Variants in MACROD2 observed in about 807,000 individuals in gnomAD.
The protein encoded by MACROD2 is mono-ADP ribosylhydrolase 2, also known as ADP-ribose glycohydrolase MACROD2.
MACROD2 carries 36 observed loss-of-function variants against 70.4 expected under a neutral mutation model. The observed-to-expected ratio is 0.51, with a 90% confidence interval of 0.39 to 0.68. MACROD2 has a LOEUF of 0.68. Ranked by LOEUF, MACROD2 falls within the 30% of genes least tolerant of loss-of-function variation. MACROD2 has a pLI of 0.00. For missense variants in MACROD2, 496 were observed against 538.4 expected (o/e 0.92, Z 0.78); for synonymous variants, 172 against 178.8 (o/e 0.96, Z 0.30).
At chr20:14,618,655 C>T (rs1568701884) in intron 4 of MACROD2, among the ~76,000 whole-genome samples, 2 of 152,172 alleles carry the variant, frequency 1.3e-5, no homozygotes, top group East Asian at 1.9e-4. Context: ...GGGGTTTCAG[C>T]GTGGGGTGCT....
At chr20:14,379,198 G>T (rs1444970744) in intron 3 of MACROD2, among the ~76,000 whole-genome samples, 3 of 152,074 alleles carry the variant, frequency 2.0e-5, no homozygotes, top group African/African-American at 7.2e-5. Context: ...AACTTACCAG[G>T]GTCGTATAAT....
At chr20:15,981,517 C>T (rs948865128) in intron 13 of MACROD2, among the ~76,000 whole-genome samples, 8 of 152,060 alleles carry the variant, frequency 5.3e-5, no homozygotes, top group Non-Finnish European at 1.2e-4. Context: ...AATTCTCGGG[C>T]TTCTTATGGC....
At chr20:15,311,119 A>T (rs1050957582) in intron 6 of MACROD2, among the ~76,000 whole-genome samples, 39 of 152,202 alleles carry the variant, frequency 2.6e-4, no homozygotes, top group Non-Finnish European at 5.0e-4. Context: ...CCAGGTGGTA[A>T]ATAAAATCTA....
intron 2 of MACROD2, among the ~76,000 whole-genome samples, chr20:14,061,221 T>C (rs1178180417): frequency 6.6e-6 from 1 of 152,178 alleles, no homozygotes; most frequent in African/African-American, 2.4e-5. Context: ...AATAGACTAT[T>C]CCACTGAAAT....
intron 8 of MACROD2, among the ~76,000 whole-genome samples, chr20:15,837,880 TCTTAGCCCATCATCAACTG>T (rs1394783221): frequency 6.6e-6 from 1 of 152,132 alleles, no homozygotes; most frequent in Non-Finnish European, 1.5e-5. Flanking sequence ...TTTGTGATAC[TCTTAGCCCATCATCAACTG>T]CTTAGCCCAT....
At chr20:15,093,993 C>A (rs1485373575) in intron 5 of MACROD2, among the ~76,000 whole-genome samples, 1 of 152,158 alleles carries the variant, frequency 6.6e-6, no homozygotes, top group Non-Finnish European at 1.5e-5. Context: ...TAGGATTGTC[C>A]ATTGAAGGGT....
At chr20:15,677,695 C>G (rs1288102158) in intron 8 of MACROD2, among the ~76,000 whole-genome samples, 1 of 22,312 alleles carries the variant, frequency 4.5e-5, no homozygotes, top group Middle Eastern at 0.013. Context: ...AACCAACCAA[C>G]CAACCAACCA....
chr20:15,860,138 A>T (rs2064405516), intron 8 of MACROD2, among the ~76,000 whole-genome samples: 1 of 152,152 alleles, frequency 6.6e-6, no homozygotes, highest in Admixed American at 6.6e-5. Context: ...CCATCTCAAA[A>T]AAACAAACAC....
intron 3 of MACROD2, among the ~76,000 whole-genome samples, chr20:14,381,281 G>T (rs1183651464): frequency 6.6e-6 from 1 of 152,072 alleles, no homozygotes; most frequent in Non-Finnish European, 1.5e-5. Context: ...ATTATATATT[G>T]CATGTAAACT....
chr20:14,277,319 G>A (rs1301509373), intron 3 of MACROD2, among the ~76,000 whole-genome samples: 11 of 152,078 alleles, frequency 7.2e-5, no homozygotes, highest in Admixed American at 6.6e-5. Flanking sequence ...ATGGTGGCAC[G>A]CACCTGTAGT....
intron 13 of MACROD2, among the ~76,000 whole-genome samples, chr20:15,972,930 T>C (rs1326965301): frequency 6.6e-6 from 1 of 152,230 alleles, no homozygotes. Flanking sequence ...TATGAAAGCA[T>C]ATATTATTTA....
chr20:15,199,335 C>T (rs1195849657), intron 5 of MACROD2, among the ~76,000 whole-genome samples: 3 of 151,934 alleles, frequency 2.0e-5, no homozygotes, highest in Admixed American at 6.6e-5. Flanking sequence ...CCAGCCTAGG[C>T]AACAGAAAAA....
intron 8 of MACROD2, among the ~76,000 whole-genome samples, chr20:15,754,002 C>T (rs951833416): frequency 4.0e-5 from 6 of 151,758 alleles, no homozygotes; most frequent in Non-Finnish European, 7.4e-5. Flanking sequence ...CACATCTCTC[C>T]GAAAATCTGA....
At chr20:16,016,965 T>C (rs1452247815) in intron 15 of MACROD2, among the ~76,000 whole-genome samples, 1 of 152,206 alleles carries the variant, frequency 6.6e-6, no homozygotes, top group Non-Finnish European at 1.5e-5. Context: ...TCCCATCTCC[T>C]CCACCCTCAA....
At position 15,649,085 on chromosome 20, in the gene MACROD2, CCCCTT is replaced by C. The variant is rs1471643983; in HGVS notation, c.645+149243_645+149247del. On this transcript the variant is annotated intron_variant, in intron 8 of 17. Transcript: ENST00000684519. Reference sequence around the variant, plus strand: ...CTTTTCTCCTCCCCTCCCCTTCCCTCCCCTTCCCTCCCCTCCCCTCCCCTTCCCTC... The same window carrying C: ...CTTTTCTCCTCCCCTCCCCTTCCCTCCCCTCCCCTCCCCTCCCCTTCCCTC... Among the ~76,000 whole-genome samples, 60 of 66,758 alleles carry C rather than the reference CCCCTT, an allele frequency of 9.0e-4. 1 individual carries two copies. The highest frequency in any genetic ancestry group is 2.8e-3 in the African/African-American group (52 of 18,344). The allele number at this position is 66,758 out of a possible 152,430, so 43.8% of individuals were successfully genotyped here. A position where few individuals can be genotyped will look rare whatever the true frequency, so the allele number is the denominator to read the frequency against.
At chr20:15,903,293 G>A (rs1466492215) in intron 10 of MACROD2, among the ~76,000 whole-genome samples, 1 of 152,212 alleles carries the variant, frequency 6.6e-6, no homozygotes, top group East Asian at 1.9e-4. Context: ...AGTGAGCCGA[G>A]ATCGTGGCAG....
intron 5 of MACROD2, among the ~76,000 whole-genome samples, chr20:15,223,247 T>C (rs6079710): frequency 0.12 from 17,845 of 152,244 alleles, 1,417 homozygotes; most frequent in African/African-American, 0.22. Flanking sequence ...GCTGATTAAA[T>C]GTACAAATCG....
At chr20:14,835,125 C>CT (rs771660711) in intron 5 of MACROD2, among the ~76,000 whole-genome samples, 12 of 151,894 alleles carry the variant, frequency 7.9e-5, no homozygotes, top group Non-Finnish European at 1.0e-4. Context: ...CTATAACAAC[C>CT]TTTTTTTCCA....
intron 15 of MACROD2, among the ~76,000 whole-genome samples, chr20:16,021,238 C>T (rs1414160643): frequency 2.6e-5 from 4 of 152,164 alleles, no homozygotes; most frequent in African/African-American, 9.7e-5. Context: ...ACTGTCTTCC[C>T]CTTGCCCACA....
Sources: allele counts gnomAD v4.1 joint callset (sites outside exome capture counted in the v4.1 genomes callset), GRCh38; gene constraint gnomAD v4.1.1; transcripts MANE v1.5; gene names NCBI Gene and HGNC (gene_info 2026-07-23, HGNC 2026-07-21).